Variants in ATP9B observed in about 807,000 individuals in gnomAD.
The protein encoded by ATP9B is ATPase phospholipid transporting 9B, also known as probable phospholipid-transporting ATPase IIB.
A neutral mutation model predicts 146.1 loss-of-function variants in ATP9B; 110 were observed. The observed-to-expected ratio is 0.75, with a 90% CI of 0.65 to 0.88. The LOEUF (loss-of-function observed/expected upper bound fraction) is 0.88. ATP9B is among the 40% of genes least tolerant of loss of function. The pLI is 0.00. For synonymous variants in ATP9B, 604 were observed against 569.7 expected (o/e 1.06, Z -0.86); for missense variants, 1,499 against 1,496.4 (o/e 1.00, Z -0.03).
At position 79,267,055 on chromosome 18, in the gene ATP9B, A is replaced by G. The variant is rs565504234; in HGVS notation, c.1269-9999A>G. 6.6e-5 allele frequency among the ~76,000 whole-genome samples: 10 copies of G among 152,172 alleles called. No individual in the cohort carries two copies. In the South Asian group the frequency reaches 1.9e-3, roughly 28 times the overall value. ...TGAACATTTACATAAGAAGAAGGCC[A>G]TGTGAGCCTCAACTTTTTACTGTGG... On this transcript the variant is annotated intron_variant, in intron 12 of 29. Coordinates refer to ENST00000426216, the MANE Select transcript of ATP9B (RefSeq NM_198531.5).
In ATP9B at chr18:79,273,255, G is replaced by A. The variant is rs114136733; in HGVS notation, c.1269-3799G>A. On this transcript the variant is annotated intron_variant, in intron 12 of 29. Transcript: ENST00000426216. ...TAGAACACGTGTGCATCTGAAGCCC[G>A]GAGAGAGGTCTAAACTAGGCCTCGA... Among the ~76,000 whole-genome samples, 1,001 of 152,254 alleles carry A rather than the reference G, an allele frequency of 6.6e-3. 5 individuals carry two copies. The highest frequency in any genetic ancestry group is 0.023 in the African/African-American group (935 of 41,524).
At chr18:79,270,516 T>TATA (rs34573589) in intron 12 of ATP9B, among the ~76,000 whole-genome samples, 70,747 of 151,822 alleles carry the variant, frequency 0.47, 16,637 homozygotes, top group Middle Eastern at 0.56. Context: ...TCCTCTTAAA[T>TATA]ATGAGGATTT....
rs116646999 is a variant in ATP9B, at chr18:79,312,525, C to T, written c.1773+5291C>T. On this transcript the variant is annotated intron_variant, in intron 15 of 29. Transcript: ENST00000426216. ...GACTCCCATGTGTCTTCTGGGTGGGCATCCCTCTCCGTGTTTTCGCAGGTT... is the reference window on the plus strand; with the variant it reads ...GACTCCCATGTGTCTTCTGGGTGGGTATCCCTCTCCGTGTTTTCGCAGGTT... Among the ~76,000 whole-genome samples, 434 of 152,316 alleles carry T rather than the reference C, an allele frequency of 2.8e-3. 1 individual carries two copies. Among genetic ancestry groups the T allele is most frequent in the African/African-American group, 9.9e-3 (413 of 41,578 alleles).
At chr18:79,355,209 C>T (rs928613947) in intron 25 of ATP9B, among the ~76,000 whole-genome samples, 2 of 152,210 alleles carry the variant, frequency 1.3e-5, no homozygotes, top group African/African-American at 4.8e-5. Flanking sequence ...CAGTCTTTAC[C>T]CGGAATGTCA....
At chr18:79,257,189 A>G (rs1412659861) in intron 12 of ATP9B, among the ~76,000 whole-genome samples, 1 of 152,166 alleles carries the variant, frequency 6.6e-6, no homozygotes, top group Non-Finnish European at 1.5e-5. Flanking sequence ...AATCCCACCT[A>G]CTTGAGAGGC....
chr18:79,164,781 A>G (rs1343140801), intron 7 of ATP9B, among the ~76,000 whole-genome samples: 1 of 152,226 alleles, frequency 6.6e-6, no homozygotes, highest in African/African-American at 2.4e-5. Context: ...TTAGGCACTG[A>G]GTTGCTAGAA....
At chr18:79,211,223 T>C (rs1445410041) in intron 10 of ATP9B, among the ~76,000 whole-genome samples, 1 of 152,250 alleles carries the variant, frequency 6.6e-6, no homozygotes, top group East Asian at 1.9e-4. Flanking sequence ...AATTTGACCT[T>C]GTTAGCATTC....
At chr18:79,312,405 C>T (rs535011214) in intron 15 of ATP9B, among the ~76,000 whole-genome samples, 48 of 152,364 alleles carry the variant, frequency 3.2e-4, no homozygotes, top group African/African-American at 9.6e-4. Flanking sequence ...TCCTGGCACT[C>T]GCTCGTTTGC....
At chr18:79,157,405 A>AAAAAAAAAAAAAAAC (rs2094806426) in intron 7 of ATP9B, among the ~76,000 whole-genome samples, 8 of 124,682 alleles carry the variant, frequency 6.4e-5, no homozygotes, top group Non-Finnish European at 6.8e-5. Flanking sequence ...TCAAAAAAAA[A>AAAAAAAAAAAAAAAC]AAAAAAAAAA....
intron 2 of ATP9B, among the ~76,000 whole-genome samples, chr18:79,104,536 G>T (rs1203893250): frequency 6.6e-6 from 1 of 152,040 alleles, no homozygotes; most frequent in African/African-American, 2.4e-5. Flanking sequence ...ATAGATTATT[G>T]AACTAATTTT....
intron 19 of ATP9B, among the ~76,000 whole-genome samples, chr18:79,337,771 AC>A (rs1284492829): frequency 6.6e-6 from 1 of 151,446 alleles, no homozygotes; most frequent in Non-Finnish European, 1.5e-5. Context: ...ATGGTTATGC[AC>A]CCCCCACAGG....
chr18:79,153,058 GT>G (rs2094716137), intron 6 of ATP9B, among the ~76,000 whole-genome samples: 1 of 151,976 alleles, frequency 6.6e-6, no homozygotes, highest in Non-Finnish European at 1.5e-5. Flanking sequence ...GCTAATATTA[GT>G]TTTTTTCCCC....
chr18:79,173,695 T>C (rs886437163), intron 7 of ATP9B: 4 of 455,958 alleles, frequency 8.8e-6, no homozygotes, highest in Admixed American at 2.4e-5. Context: ...TTCTGTTCCT[T>C]CTTCAGTATC....
chr18:79,213,094 A>C (rs542683063), intron 10 of ATP9B, among the ~76,000 whole-genome samples: 1 of 152,292 alleles, frequency 6.6e-6, no homozygotes, highest in South Asian at 2.1e-4. Context: ...TGTTAAGTTA[A>C]TGTGACATCA....
intron 15 of ATP9B, among the ~76,000 whole-genome samples, chr18:79,314,294 A>G (rs2096668034): frequency 6.6e-6 from 1 of 152,222 alleles, no homozygotes; most frequent in Non-Finnish European, 1.5e-5. Flanking sequence ...GCAGTTTAGT[A>G]AGTAGAGTGC....
At chr18:79,110,627 G>A in intron 3 of ATP9B, 122 bp downstream of exon 3, 1 of 923,502 alleles carries the variant, frequency 1.1e-6, no homozygotes, top group Non-Finnish European at 1.5e-6. Context: ...CCAAATCAGT[G>A]TCCTTTTGCT....
intron 1 of ATP9B, chr18:79,085,776 A>G (rs557977075): frequency 2.0e-5 from 3 of 152,328 alleles, no homozygotes; most frequent in East Asian, 3.9e-4. Flanking sequence ...GCCATTTGCA[A>G]TCTTACAATA....
Position 79,342,340 on chromosome 18 carries a change from A to T in ATP9B, c.2356A>T (p.Thr786Ser). 1 of 1,613,404 alleles carries T rather than the reference A, an allele frequency of 6.2e-7. No individual in the cohort carries two copies. Among genetic ancestry groups the T allele is most frequent in the Non-Finnish European group, 8.5e-7 (1 of 1,179,478 alleles). ...CAAAAGTTCACATCTCGTGTCTAGA[A>T]CACAAGATATTCATATTTTCAGACA... Reference protein sequence around the residue: ...IAKSSHLVSRTQDIHIFRQVT... With the variant: ...IAKSSHLVSRSQDIHIFRQVT... The change falls in exon 20 of 30, where the codon ACA becomes TCA. Residue 786 changes from threonine (T) to serine (S), a missense_variant. Coordinates refer to ENST00000426216, the MANE Select transcript of ATP9B (RefSeq NM_198531.5).
chr18:79,094,979 G>GT (rs998115697), intron 1 of ATP9B, among the ~76,000 whole-genome samples: 12 of 152,310 alleles, frequency 7.9e-5, no homozygotes, highest in African/African-American at 2.9e-4. Context: ...AAAACGTGCT[G>GT]TTTCTCTTTG....
Sources: allele counts gnomAD v4.1 joint callset (sites outside exome capture counted in the v4.1 genomes callset), GRCh38; gene constraint gnomAD v4.1.1; transcripts MANE v1.5; gene names NCBI Gene and HGNC (gene_info 2026-07-23, HGNC 2026-07-21).